Variants in CTNNA3 observed in about 807,000 individuals in gnomAD.
CTNNA3 encodes catenin alpha 3, also known as catenin alpha-3.
Under a neutral mutation model 95.7 loss-of-function variants are expected in CTNNA3, and 76 were observed. That is an observed-to-expected ratio of 0.79 (90% confidence interval 0.66 to 0.96). The LOEUF is 0.96. Ranked by LOEUF, CTNNA3 falls within the 40% of genes least tolerant of loss-of-function variation. The pLI is 0.00. For synonymous variants in CTNNA3, 431 were observed against 374.4 expected, an observed-to-expected ratio of 1.15 and a Z score of -1.74; for missense variants, 1,191 against 1,089.8, an observed-to-expected ratio of 1.09 and a Z score of -1.31.
rs531176808 is a variant in CTNNA3, at chr10:67,580,507, G to T, written c.292+26350C>A. Among the ~76,000 whole-genome samples, 696 of 151,802 alleles carry T rather than the reference G, an allele frequency of 4.6e-3. 5 individuals are homozygous for T. The highest frequency in any genetic ancestry group is 6.8e-3 in the Middle Eastern group (2 of 294). Reference sequence around the variant, plus strand: ...CAGGTAGCATGATGCCTCCAGCTTTGTTCTTTTGGCTTAGGATTGTCTTGG... The same window carrying T: ...CAGGTAGCATGATGCCTCCAGCTTTTTTCTTTTGGCTTAGGATTGTCTTGG... On this transcript the variant is annotated intron_variant, in intron 3 of 17. Coordinates refer to ENST00000433211, the MANE Select transcript of CTNNA3 (RefSeq NM_013266.4).
chr10:66,220,989 G>C (rs2088897196), intron 13 of CTNNA3, among the ~76,000 whole-genome samples: 2 of 152,130 alleles, frequency 1.3e-5, no homozygotes, highest in Admixed American at 1.3e-4. Flanking sequence ...TTGATGGTAG[G>C]GCCCTCGCCA....
chr10:66,597,549 T>C (rs1564558061), intron 10 of CTNNA3, among the ~76,000 whole-genome samples: 1 of 130,482 alleles, frequency 7.7e-6, no homozygotes, highest in African/African-American at 2.8e-5. Flanking sequence ...TATATATATA[T>C]ATATATTTAT....
At chr10:66,430,932 A>G (rs1344075326) in intron 11 of CTNNA3, among the ~76,000 whole-genome samples, 2 of 152,224 alleles carry the variant, frequency 1.3e-5, no homozygotes, top group African/African-American at 4.8e-5. Context: ...GAGCTTCTGC[A>G]CAGCAAAAGA....
intron 12 of CTNNA3, among the ~76,000 whole-genome samples, chr10:66,327,577 A>T (rs189734470): frequency 6.6e-5 from 10 of 152,098 alleles, no homozygotes; most frequent in African/African-American, 2.2e-4. Flanking sequence ...TGTCGTTCAA[A>T]TTTTGCATTC....
chr10:67,454,639 T>C (rs1847106240), intron 5 of CTNNA3, among the ~76,000 whole-genome samples: 1 of 152,128 alleles, frequency 6.6e-6, no homozygotes, highest in Non-Finnish European at 1.5e-5. Flanking sequence ...CCAAGTCTCT[T>C]ATGGGCCTTA....
intron 6 of CTNNA3, among the ~76,000 whole-genome samples, chr10:67,205,187 A>G (rs1385233329): frequency 6.6e-6 from 1 of 152,218 alleles, no homozygotes; most frequent in Non-Finnish European, 1.5e-5. Context: ...CCTGGCCCAG[A>G]ATAATTAAGG....
At chr10:66,505,051 C>A (rs891822910) in intron 11 of CTNNA3, among the ~76,000 whole-genome samples, 1 of 152,030 alleles carries the variant, frequency 6.6e-6, no homozygotes, top group African/African-American at 2.4e-5. Flanking sequence ...AAAGTTATAG[C>A]AAAAATTTTC....
intron 11 of CTNNA3, among the ~76,000 whole-genome samples, chr10:66,517,134 A>G (rs1840889289): frequency 6.6e-6 from 1 of 152,028 alleles, no homozygotes; most frequent in Non-Finnish European, 1.5e-5. Context: ...AGGCAGGAGA[A>G]TTGCTTGAAT....
At chr10:66,767,759 G>A (rs926510407) in intron 8 of CTNNA3, among the ~76,000 whole-genome samples, 2 of 152,078 alleles carry the variant, frequency 1.3e-5, no homozygotes, top group Non-Finnish European at 2.9e-5. Flanking sequence ...AATGATCATA[G>A]AATAATAAAT....
intron 7 of CTNNA3, among the ~76,000 whole-genome samples, chr10:66,905,609 C>T (rs1031214389): frequency 6.6e-6 from 1 of 152,130 alleles, no homozygotes; most frequent in African/African-American, 2.4e-5. Context: ...ATATAACAAG[C>T]ACCTAATTGC....
chr10:66,997,533 TC>T (rs1404957763), intron 7 of CTNNA3, among the ~76,000 whole-genome samples: 3 of 152,192 alleles, frequency 2.0e-5, no homozygotes, highest in African/African-American at 7.2e-5. Context: ...AACTTTTAGA[TC>T]CCTGCTATTT....
At chr10:66,677,403 C>CT (rs71035163) in intron 9 of CTNNA3, among the ~76,000 whole-genome samples, 82,765 of 150,138 alleles carry the variant, frequency 0.55, 23,438 homozygotes, top group African/African-American at 0.68. Context: ...TAGAAGCCCA[C>CT]TTTTTTTTTA....
At chr10:67,447,768 CA>C (rs1463767129) in intron 5 of CTNNA3, among the ~76,000 whole-genome samples, 1 of 152,160 alleles carries the variant, frequency 6.6e-6, no homozygotes, top group African/African-American at 2.4e-5. Context: ...TTTACCTGCT[CA>C]TTGTCTGTCT....
At chr10:67,579,397 G>T (rs1034845492) in intron 3 of CTNNA3, among the ~76,000 whole-genome samples, 9 of 151,966 alleles carry the variant, frequency 5.9e-5, no homozygotes, top group Non-Finnish European at 1.2e-4. Context: ...CCTTTTTTAT[G>T]GCTGCATACT....
chr10:66,542,804 G>A (rs1021754346), intron 10 of CTNNA3, among the ~76,000 whole-genome samples: 3 of 151,428 alleles, frequency 2.0e-5, no homozygotes, highest in East Asian at 1.9e-4. Context: ...GAGTTAATGG[G>A]TGCAGCACAC....
chr10:66,962,479 T>C (rs1335468422), intron 7 of CTNNA3, among the ~76,000 whole-genome samples: 1 of 151,694 alleles, frequency 6.6e-6, no homozygotes, highest in Admixed American at 6.6e-5. Context: ...GTGTGATCTC[T>C]GCTCACTGCA....
chr10:67,725,111 G>T (rs954289222), intron 1 of CTNNA3, among the ~76,000 whole-genome samples: 1 of 151,396 alleles, frequency 6.6e-6, no homozygotes, highest in Non-Finnish European at 1.5e-5. Flanking sequence ...CAACGGATTC[G>T]TAGTTCTCCA....
At chr10:66,285,031 G>A (rs192640006) in intron 12 of CTNNA3, among the ~76,000 whole-genome samples, 185 of 151,860 alleles carry the variant, frequency 1.2e-3, no homozygotes, top group African/African-American at 4.1e-3. Flanking sequence ...GTACCTCATA[G>A]ATCATATATC....
At chr10:67,050,585 G>T (rs1855025190) in intron 7 of CTNNA3, among the ~76,000 whole-genome samples, 1 of 152,146 alleles carries the variant, frequency 6.6e-6, no homozygotes, top group Admixed American at 6.5e-5. Flanking sequence ...GCTCGAGTGG[G>T]AGACATTGTT....
Sources: allele counts gnomAD v4.1 joint callset (sites outside exome capture counted in the v4.1 genomes callset), GRCh38; gene constraint gnomAD v4.1.1; transcripts MANE v1.5; gene names NCBI Gene and HGNC (gene_info 2026-07-23, HGNC 2026-07-21).